The following CSMD1 variants were observed in gnomAD, a reference collection of about 807,000 sequenced individuals.
The protein encoded by CSMD1 is CUB and sushi domain-containing protein 1.
In CSMD1, 213 loss-of-function variants were observed where a neutral mutation model predicts 417.5. The observed-to-expected ratio is 0.51, with a 90% CI of 0.46 to 0.57. CSMD1 has a LOEUF of 0.57. Among genes scored for constraint, CSMD1 ranks in the 20% least tolerant of loss-of-function variants. The pLI, the probability that CSMD1 is intolerant of heterozygous loss-of-function variation, is 0.00. For missense variants in CSMD1, 6,923 were observed against 4,529.7 expected (o/e 1.53, Z -15.17); for synonymous variants, 2,862 against 1,736.8 (o/e 1.65, Z -16.11).
Position 3,548,895 on chromosome 8 carries a change from T to C in CSMD1, c.1344+26050A>G, listed in dbSNP as rs1798792337. Among the ~76,000 whole-genome samples the C allele has an allele frequency of 2.6e-5, 4 of 151,944 alleles. No homozygotes were observed. The South Asian group carries it at 8.3e-4, about 31-fold the overall frequency. On this transcript the variant is annotated intron_variant, in intron 10 of 69. Transcript: ENST00000635120. The stretch of plus-strand genomic sequence containing the variant: ...CGCTCCCTACCCCGAGTCCACATCC[T>C]CCCCTTCTCACCTGGTGGTCACACA...
At chr8:3,024,826 A>G (rs1300393380) in intron 51 of CSMD1, among the ~76,000 whole-genome samples, 1 of 152,250 alleles carries the variant, frequency 6.6e-6, no homozygotes, top group African/African-American at 2.4e-5. Context: ...GTTGTGAAAC[A>G]TACATAGATA....
At chr8:3,401,170 A>T (rs1267306956) in intron 15 of CSMD1, among the ~76,000 whole-genome samples, 1 of 151,978 alleles carries the variant, frequency 6.6e-6, no homozygotes, top group Non-Finnish European at 1.5e-5. Context: ...AACCATCCAA[A>T]GATACTATAT....
At chr8:3,684,355 ATGT>A (rs774318783) in intron 7 of CSMD1, among the ~76,000 whole-genome samples, 6 of 146,838 alleles carry the variant, frequency 4.1e-5, no homozygotes, top group Non-Finnish European at 7.5e-5. Flanking sequence ...ACATACAAGC[ATGT>A]TGTATATTAC....
chr8:4,087,668 T>G (rs1201645981), intron 3 of CSMD1, among the ~76,000 whole-genome samples: 2 of 152,198 alleles, frequency 1.3e-5, no homozygotes, highest in Non-Finnish European at 2.9e-5. Context: ...ATTTTGTGTT[T>G]GCTCATTCTT....
chr8:4,880,726 G>A (rs1183087944), intron 1 of CSMD1, among the ~76,000 whole-genome samples: 1 of 151,938 alleles, frequency 6.6e-6, no homozygotes, highest in Non-Finnish European at 1.5e-5. Context: ...TATCCCACGT[G>A]TCCATGATAA....
intron 1 of CSMD1, among the ~76,000 whole-genome samples, chr8:4,757,892 G>T (rs1585051571): frequency 6.7e-6 from 1 of 150,236 alleles, no homozygotes; most frequent in East Asian, 2.0e-4. Flanking sequence ...CTGGGAGGCA[G>T]CGGTTGAAGG....
intron 2 of CSMD1, among the ~76,000 whole-genome samples, chr8:4,433,455 G>A (rs138216178): frequency 9.7e-4 from 147 of 152,206 alleles, no homozygotes; most frequent in African/African-American, 2.0e-3. Flanking sequence ...AATTCCCTGC[G>A]AGGTCAACGC....
intron 7 of CSMD1, among the ~76,000 whole-genome samples, chr8:3,650,393 T>C (rs1797792254): frequency 6.6e-6 from 1 of 152,072 alleles, no homozygotes; most frequent in Non-Finnish European, 1.5e-5. Flanking sequence ...TTAGGGAAAA[T>C]TATGACATGG....
intron 37 of CSMD1, among the ~76,000 whole-genome samples, chr8:3,165,720 G>C (rs1410708364): frequency 6.6e-6 from 1 of 152,060 alleles, no homozygotes; most frequent in Non-Finnish European, 1.5e-5. Context: ...GTGGTTTTTT[G>C]TTGGTAAAGG....
intron 41 of CSMD1, chr8:3,128,676 T>C (rs1048420441): frequency 9.6e-5 from 33 of 343,830 alleles, no homozygotes; most frequent in Middle Eastern, 2.1e-3. Flanking sequence ...CTCTGTCAGA[T>C]ATGATACCCT....
rs1001900858 is a variant in CSMD1 at position 4,937,555 on chromosome 8, C to T, written c.85+56777G>A. ...TAGTAACTTACAGTACCAAATTCCT[C>T]TTTCTGTCAGCATGACAAAGAACAA... On this transcript the variant is annotated intron_variant, in intron 1 of 69. Coordinates refer to ENST00000635120, the MANE Select transcript of CSMD1 (RefSeq NM_033225.6). 3.3e-5 allele frequency among the ~76,000 whole-genome samples: 5 copies of T among 152,198 alleles called. No individual in the cohort carries two copies. The South Asian group carries it at 1.0e-3, about 31-fold the overall frequency.
At chr8:4,662,481 C>G (rs755664104) in intron 1 of CSMD1, among the ~76,000 whole-genome samples, 1 of 152,162 alleles carries the variant, frequency 6.6e-6, no homozygotes, top group African/African-American at 2.4e-5. Context: ...CACTTTGTTT[C>G]TGCAGACTGG....
chr8:3,071,703 C>T (rs1313730015), intron 49 of CSMD1, among the ~76,000 whole-genome samples: 1 of 152,128 alleles, frequency 6.6e-6, no homozygotes, highest in African/African-American at 2.4e-5. Context: ...AAAAAAACTA[C>T]CATTCATCAA....
At chr8:4,811,359 C>T (rs1004737689) in intron 1 of CSMD1, among the ~76,000 whole-genome samples, 1 of 152,048 alleles carries the variant, frequency 6.6e-6, no homozygotes, top group Non-Finnish European at 1.5e-5. Context: ...TGAGTATTGG[C>T]CCCCTGTATT....
chr8:4,914,295 G>A (rs1450650297), intron 1 of CSMD1, among the ~76,000 whole-genome samples: 2 of 152,132 alleles, frequency 1.3e-5, no homozygotes, highest in African/African-American at 2.4e-5. Context: ...TGGAAGATAG[G>A]GCCGGGTGCG....
intron 5 of CSMD1, among the ~76,000 whole-genome samples, chr8:3,928,512 G>C (rs1420185693): frequency 1.5e-5 from 2 of 135,812 alleles, no homozygotes; most frequent in African/African-American, 5.5e-5. Flanking sequence ...GCACTGCCCA[G>C]CTGCATTCAC....
intron 3 of CSMD1, among the ~76,000 whole-genome samples, chr8:4,349,335 A>G (rs556501282): frequency 2.0e-5 from 3 of 152,232 alleles, no homozygotes; most frequent in Non-Finnish European, 4.4e-5. Context: ...AGAATTGAGT[A>G]TAAGATGTAG....
In CSMD1 at chr8:4,005,134, G is replaced by C. The variant is rs113349895; in HGVS notation, c.611-7024C>G. ...TGATATAATGGACTTTGGAGATTTG[G>C]GGGGAAGAGTGGGAGTGGGGAAAGG... On this transcript the variant is annotated intron_variant, in intron 4 of 69. Transcript: ENST00000635120. Among the ~76,000 whole-genome samples, 706 of 152,234 alleles carry C rather than the reference G, an allele frequency of 4.6e-3. 8 individuals carry two copies. The highest frequency in any genetic ancestry group is 0.016 in the African/African-American group (664 of 41,532).
chr8:4,199,685 C>T (rs1799540514), intron 3 of CSMD1, among the ~76,000 whole-genome samples: 1 of 152,038 alleles, frequency 6.6e-6, no homozygotes, highest in South Asian at 2.1e-4. Context: ...CAAGGCAGTC[C>T]AGATTTAATA....
Sources: allele counts gnomAD v4.1 joint callset (sites outside exome capture counted in the v4.1 genomes callset), GRCh38; gene constraint gnomAD v4.1.1; transcripts MANE v1.5; gene names NCBI Gene and HGNC (gene_info 2026-07-23, HGNC 2026-07-21).